NEMF: variants seen among roughly 807,000 people sequenced by gnomAD.
NEMF encodes ribosome quality control complex subunit NEMF.
In NEMF, 89 loss-of-function variants were observed where a neutral mutation model predicts 162.2. The ratio of observed to expected loss-of-function variants is 0.55; its 90% CI spans 0.46 to 0.65. The LOEUF (loss-of-function observed/expected upper bound fraction) is 0.65, where lower values mean the gene tolerates loss of function less well. NEMF is among the 30% of genes least tolerant of loss of function. The pLI, the probability that NEMF is intolerant of heterozygous loss-of-function variation, is 0.00. For synonymous variants in NEMF, 421 were observed against 404.5 expected (o/e 1.04, Z -0.49); for missense variants, 1,133 against 1,261.9 (o/e 0.90, Z 1.55).
chr14:49,790,177 G>A lies in NEMF; in HGVS notation c.2620-604C>T, dbSNP rs532928591. Among the ~76,000 whole-genome samples the A allele has an allele frequency of 1.4e-3, 209 of 152,142 alleles. 1 individual carries two copies. The highest frequency in any genetic ancestry group is 2.6e-3 in the Non-Finnish European group (179 of 68,012). ...TGTCCCTAAACAGGACACAAACACC[G>A]TAAAAGACTGATACATCAGACTCAA... On this transcript the variant is annotated intron_variant, in intron 26 of 32. Coordinates refer to ENST00000298310, the MANE Select transcript of NEMF (RefSeq NM_004713.6).
At chr14:49,788,296 A>T (rs1019029137) in intron 28 of NEMF, among the ~76,000 whole-genome samples, 4 of 150,850 alleles carry the variant, frequency 2.7e-5, no homozygotes, top group African/African-American at 9.8e-5. Context: ...AAAAAAAAAA[A>T]TTCAAGAAGA....
At chr14:49,804,008 C>CTT (rs777983337) in intron 19 of NEMF, among the ~76,000 whole-genome samples, 4 of 139,600 alleles carry the variant, frequency 2.9e-5, no homozygotes, top group Non-Finnish European at 4.7e-5. Context: ...AAAGTTTTGC[C>CTT]TTTTTTTTTT....
intron 25 of NEMF, among the ~76,000 whole-genome samples, 176 bp downstream of exon 25, chr14:49,799,299 C>A (rs1173439351): frequency 6.7e-6 from 1 of 148,566 alleles, no homozygotes; most frequent in Admixed American, 6.8e-5. Context: ...TAGATTAGGG[C>A]CCTTAAACAG....
At chr14:49,812,589 AC>A (rs1166647056) in intron 18 of NEMF, among the ~76,000 whole-genome samples, 4 of 152,158 alleles carry the variant, frequency 2.6e-5, no homozygotes, top group African/African-American at 9.7e-5. Context: ...AAGTTTTGAC[AC>A]ACTGTATTTT....
intron 5 of NEMF, among the ~76,000 whole-genome samples, chr14:49,840,340 T>C (rs1238817442): frequency 2.0e-5 from 3 of 152,064 alleles, no homozygotes; most frequent in Non-Finnish European, 2.9e-5. Context: ...CGCACGCCTA[T>C]AGTCCCAGCT....
chr14:49,789,396 T>C, intron 27 of NEMF, 53 bp from the exon 28 acceptor site: 1 of 1,610,354 alleles, frequency 6.2e-7, no homozygotes, highest in Non-Finnish European at 8.5e-7. Context: ...ATACTGTGAA[T>C]ATTTTAACAA....
At chr14:49,799,550 T>C (rs1201857307) in intron 24 of NEMF, 26 bp from the exon 25 acceptor site, 6 of 1,603,752 alleles carry the variant, frequency 3.7e-6, no homozygotes, top group Non-Finnish European at 5.1e-6. Flanking sequence ...AACAGGCAAA[T>C]GCAAATATCA....
At chr14:49,794,823 A>AT (rs111605184) in intron 26 of NEMF, among the ~76,000 whole-genome samples, 193 of 151,504 alleles carry the variant, frequency 1.3e-3, no homozygotes, top group African/African-American at 4.5e-3. Flanking sequence ...GGTTCAAGCA[A>AT]TTCTTCTGCC....
In NEMF at chr14:49,800,562, G is replaced by T; in HGVS notation, c.2230C>A (p.Gln744Lys). 6.2e-7 allele frequency: 1 copy of T among 1,613,820 alleles called. No individual in the cohort carries two copies. Among genetic ancestry groups the T allele is most frequent in the East Asian group, 2.2e-5 (1 of 44,856 alleles). The change falls in exon 23 of 33, where the codon CAG becomes AAG. Residue 744 changes from glutamine (Q) to lysine (K), a missense_variant. Physicochemically the swap from Gln to Lys is moderately conservative, Grantham distance 53. This residue lies in a region of NEMF where 532 missense variants were observed against 578.6 expected (regional missense o/e 0.92). Coordinates refer to ENST00000298310, the MANE Select transcript of NEMF (RefSeq NM_004713.6). Reference protein sequence around the residue: ...GRDELNEELIQEESSEDEGEY... With the variant: ...GRDELNEELIKEESSEDEGEY... ...CCTTCGTCTTCAGAGCTTTCTTCCT[G>T]AATGAGCTCCTCATTTAGTTCATCT... is the stretch of plus-strand genomic sequence containing the variant.
chr14:49,820,352 T>C (rs1891940440), intron 16 of NEMF: 1 of 447,922 alleles, frequency 2.2e-6, no homozygotes, highest in East Asian at 7.1e-5. Context: ...CCTTTTGAGT[T>C]TGGTGCCATG....
intron 16 of NEMF, among the ~76,000 whole-genome samples, chr14:49,817,779 G>A (rs906424469): frequency 1.5e-4 from 23 of 152,254 alleles, no homozygotes; most frequent in African/African-American, 5.5e-4. Flanking sequence ...AATTTGAACA[G>A]TCCTTACATT....
At chr14:49,818,354 A>C (rs1028686174) in intron 16 of NEMF, 1 of 152,166 alleles carries the variant, frequency 6.6e-6, no homozygotes, top group Non-Finnish European at 1.5e-5. Flanking sequence ...GGCCTCCCAA[A>C]GTGCTGGGAT....
At chr14:49,800,837 G>C (rs1890920029) in intron 22 of NEMF, 141 bp from the exon 23 acceptor site, 5 of 729,064 alleles carry the variant, frequency 6.9e-6, no homozygotes, top group Non-Finnish European at 1.1e-5. Flanking sequence ...CATTCCCAAA[G>C]GGTACTCTTA....
chr14:49,800,871 G>A (rs965083046), intron 22 of NEMF, 175 bp from the exon 23 acceptor site: 2 of 590,198 alleles, frequency 3.4e-6, no homozygotes, highest in African/African-American at 3.7e-5. Flanking sequence ...CCTGTATCAT[G>A]AATAGGTTGA....
intron 1 of NEMF, 108 bp from the exon 2 acceptor site, chr14:49,851,983 AT>A: frequency 8.9e-6 from 6 of 674,064 alleles, no homozygotes; most frequent in Non-Finnish European, 1.5e-5. Flanking sequence ...CTCTAAGGAT[AT>A]GGAGTCAGCC....
Position 49,802,474 on chromosome 14 carries a change from A to G in NEMF, c.2074T>C (p.Ser692Pro), listed in dbSNP as rs756004311. Residue 692 changes from serine (S) to proline (P), a missense_variant, in exon 22 of 33, where the codon TCA becomes CCA. Physicochemically the swap from Ser to Pro is moderately conservative, Grantham distance 74 (BLOSUM62 -1). Coordinates refer to ENST00000298310, the MANE Select transcript of NEMF (RefSeq NM_004713.6). ...CTACCTAATTGTTCCATTTCTTCTG[A>G]TATGAGTTCACTTGTACAACTTGCC... ...TLASCTSELI[S>P]EEMEQLDGGD... 5.6e-6 allele frequency: 9 copies of G among 1,613,724 alleles called. No homozygotes were observed. The African/African-American group carries it at 1.1e-4, about 19-fold the overall frequency.
rs769661161 is a variant in NEMF, at chr14:49,806,059, G to A, written c.1819C>T (p.Arg607Ter). Reference sequence around the variant, plus strand: ...ACCCACCAAGCACTAGTGATAACTCGTGCATCCCAAGCAGCACTGTAGCAA... The same window carrying A: ...ACCCACCAAGCACTAGTGATAACTCATGCATCCCAAGCAGCACTGTAGCAA... Reference protein sequence around the residue: ...ALCYSAAWDARVITSAWWVYH... With the variant: ...ALCYSAAWDA Residue 607 changes from arginine to a stop codon, truncating the protein, a stop_gained, in exon 19 of 33, where the codon CGA becomes TGA. Coordinates refer to ENST00000298310, the MANE Select transcript of NEMF (RefSeq NM_004713.6). LOFTEE classifies it high-confidence loss of function. 2.5e-6 allele frequency: 4 copies of A among 1,610,938 alleles called. No homozygotes were observed. Among genetic ancestry groups the A allele is most frequent in the Admixed American group, 1.7e-5 (1 of 59,678 alleles).
intron 19 of NEMF, among the ~76,000 whole-genome samples, chr14:49,803,714 C>A (rs1013490663): frequency 6.6e-6 from 1 of 151,892 alleles, no homozygotes; most frequent in South Asian, 2.1e-4. Context: ...TTAGTAGAGA[C>A]GGGGTTTCAC....
Position 49,792,432 on chromosome 14 carries a change from G to A in NEMF, c.2620-2859C>T, listed in dbSNP as rs1890495263. On this transcript the variant is annotated intron_variant, in intron 26 of 32. Coordinates refer to ENST00000298310, the MANE Select transcript of NEMF (RefSeq NM_004713.6). ...TCACCATGTTAGCCAGGCAGGTCTT[G>A]AACTCCTGACCTCAGGTGACCCAAC... is the stretch of plus-strand genomic sequence containing the variant. Among the ~76,000 whole-genome samples the A allele has an allele frequency of 2.6e-5, 4 of 152,218 alleles. No homozygotes were observed. In the South Asian group the frequency reaches 6.2e-4, roughly 24 times the overall value.
Sources: gnomAD v4.1 joint callset for allele counts (sites outside exome capture counted in the v4.1 genomes callset) on GRCh38, gnomAD v4.1.1 for gene constraint, gnomAD v4.1.1 regional missense constraint, MANE v1.5 for transcripts, NCBI Gene and HGNC (gene_info 2026-07-23, HGNC 2026-07-21) for gene names.